Variants in MRPS9 observed in about 807,000 individuals in gnomAD.
MRPS9 encodes the protein small ribosomal subunit protein uS9m.
Under a neutral mutation model 59.9 loss-of-function variants are expected in MRPS9, and 45 were observed. That is an observed-to-expected ratio of 0.75 (90% CI 0.59 to 0.96). MRPS9 has a LOEUF of 0.96. Among genes scored for constraint, MRPS9 ranks in the 40% least tolerant of loss-of-function variants. The pLI is 0.00. For synonymous variants in MRPS9, 171 were observed against 166.8 expected, an observed-to-expected ratio of 1.03 and a Z score of -0.19; for missense variants, 473 against 481.1, an observed-to-expected ratio of 0.98 and a Z score of 0.16.
At chr2:105,060,218 C>G (rs1250716187) in intron 2 of MRPS9, among the ~76,000 whole-genome samples, 1 of 152,100 alleles carries the variant, frequency 6.6e-6, no homozygotes, top group Non-Finnish European at 1.5e-5. Flanking sequence ...AAATACCCTC[C>G]TTAGTGTTAA....
chr2:105,092,340 A>T, intron 7 of MRPS9, 61 bp from the exon 8 acceptor site: 1 of 1,457,054 alleles, frequency 6.9e-7, no homozygotes, highest in Non-Finnish European at 9.1e-7. Context: ...TGCAAAAAAT[A>T]GAAAAAATTT....
intron 10 of MRPS9, among the ~76,000 whole-genome samples, chr2:105,097,759 G>A (rs1476134392): frequency 6.6e-6 from 1 of 152,170 alleles, no homozygotes; most frequent in East Asian, 1.9e-4. Flanking sequence ...GGAGTGCAGT[G>A]GTATTATCAT....
intron 2 of MRPS9, among the ~76,000 whole-genome samples, chr2:105,050,034 AGTTT>A (rs1393745945): frequency 6.6e-6 from 1 of 152,138 alleles, no homozygotes; most frequent in Admixed American, 6.5e-5. Context: ...TATGCACTTT[AGTTT>A]AATTTCAATC....
rs553604824 is a variant in MRPS9, at chr2:105,043,721, G to A, written c.136-5450G>A. 1.5e-3 allele frequency among the ~76,000 whole-genome samples: 233 copies of A among 151,812 alleles called. 2 individuals carry two copies. The highest frequency in any genetic ancestry group is 5.2e-3 in the African/African-American group (217 of 41,390). ...GCAATCTCGGCTCACTGCAACCTCC[G>A]CCTCCTGGGTTCAAGCAGTTCTCCT... On this transcript the variant is annotated intron_variant, in intron 1 of 10. Coordinates refer to ENST00000258455, the MANE Select transcript of MRPS9 (RefSeq NM_182640.3).
intron 4 of MRPS9, among the ~76,000 whole-genome samples, chr2:105,074,214 A>T (rs140220219): frequency 6.6e-6 from 1 of 152,184 alleles, no homozygotes; most frequent in Admixed American, 6.5e-5. Flanking sequence ...CTGAATATAA[A>T]TGAACTAAAT....
chr2:105,084,333 TGTAAC>T (rs1217645370), intron 5 of MRPS9, among the ~76,000 whole-genome samples: 1 of 151,494 alleles, frequency 6.6e-6, no homozygotes, highest in Non-Finnish European at 1.5e-5. Context: ...TTCTAATCCT[TGTAAC>T]GTATGTGTAC....
At chr2:105,066,104 T>G (rs1204185293) in intron 2 of MRPS9, among the ~76,000 whole-genome samples, 4 of 152,224 alleles carry the variant, frequency 2.6e-5, no homozygotes, top group Non-Finnish European at 5.9e-5. Flanking sequence ...TATGTTTTGT[T>G]ATTTGGTTTT....
At chr2:105,075,432 C>T (rs1007178385) in intron 4 of MRPS9, among the ~76,000 whole-genome samples, 4 of 152,132 alleles carry the variant, frequency 2.6e-5, no homozygotes, top group Admixed American at 6.5e-5. Flanking sequence ...TATAAAGGAG[C>T]GCCAAAGGTC....
At chr2:105,056,737 T>A (rs1164419755) in intron 2 of MRPS9, among the ~76,000 whole-genome samples, 1 of 152,238 alleles carries the variant, frequency 6.6e-6, no homozygotes, top group African/African-American at 2.4e-5. Flanking sequence ...ATACAGCATA[T>A]ATAATTTATG....
At chr2:105,066,141 A>G (rs1023134334) in intron 2 of MRPS9, among the ~76,000 whole-genome samples, 6 of 152,066 alleles carry the variant, frequency 3.9e-5, no homozygotes, top group East Asian at 1.9e-4. Context: ...TTTATTTCCT[A>G]TTCCCTCTTT....
chr2:105,080,779 T>G (rs1367735269), intron 5 of MRPS9, among the ~76,000 whole-genome samples: 1 of 152,262 alleles, frequency 6.6e-6, no homozygotes, highest in Non-Finnish European at 1.5e-5. Context: ...TTCCCCCATC[T>G]ACAGTCAGAT....
intron 2 of MRPS9, among the ~76,000 whole-genome samples, chr2:105,054,470 T>C (rs1262754138): frequency 6.6e-6 from 1 of 152,182 alleles, no homozygotes; most frequent in Admixed American, 6.6e-5. Context: ...TGGAAGTGAG[T>C]GTTAACCGTT....
chr2:105,050,287 G>A lies in MRPS9; in HGVS notation c.315+937G>A, dbSNP rs1362056904. 3.9e-5 allele frequency among the ~76,000 whole-genome samples: 6 copies of A among 152,052 alleles called. No individual in the cohort carries two copies. In the East Asian group the frequency reaches 5.8e-4, roughly 15 times the overall value. ...CCTGAGTAGCTGGGCTTACAGGCAC[G>A]CACCACCATACCCAGATAATTTTTG... On this transcript the variant is annotated intron_variant, in intron 2 of 10. Transcript: ENST00000258455.
At chr2:105,040,883 A>G (rs11900525) in intron 1 of MRPS9, among the ~76,000 whole-genome samples, 1,874 of 152,322 alleles carry the variant, frequency 0.012, 39 homozygotes, top group African/African-American at 0.043. Flanking sequence ...GAGGCAAAGG[A>G]AAATAGCGTC....
rs765341948 is a variant in MRPS9, at chr2:105,097,196, G to A, written c.971G>A (p.Gly324Glu). The change falls in exon 10 of 11, where the codon GGA becomes GAA. Residue 324 changes from glycine to glutamate, a missense_variant. Physicochemically the swap from Gly to Glu is moderately conservative, Grantham distance 98. Coordinates refer to ENST00000258455, the MANE Select transcript of MRPS9 (RefSeq NM_182640.3). ...CCTTTCCACTTTGTTGACCGGCTGG[G>A]AAAGCACGACGTGACCTGCACAGTC... ...MFPFHFVDRL[G>E]KHDVTCTVSG... The A allele has an allele frequency of 1.2e-6, 2 of 1,601,840 alleles. No individual in the cohort carries two copies. The highest frequency in any genetic ancestry group is 3.5e-5 in the Admixed American group (2 of 57,768).
intron 5 of MRPS9, among the ~76,000 whole-genome samples, chr2:105,084,319 G>A (rs889698703): frequency 5.3e-5 from 8 of 150,464 alleles, no homozygotes; most frequent in African/African-American, 2.0e-4. Context: ...AGAAAACCAG[G>A]TAATTCTAAT....
chr2:105,076,084 C>G (rs1680205786), intron 4 of MRPS9, among the ~76,000 whole-genome samples: 1 of 152,176 alleles, frequency 6.6e-6, no homozygotes, highest in South Asian at 2.1e-4. Context: ...GATGTTATGA[C>G]TGCCTACTTA....
intron 1 of MRPS9, among the ~76,000 whole-genome samples, chr2:105,040,085 A>G (rs915613778): frequency 6.6e-6 from 1 of 152,208 alleles, no homozygotes; most frequent in Admixed American, 6.5e-5. Context: ...TACAGCTCAG[A>G]TATAACTGAA....
At chr2:105,072,713 T>C (rs566198469) in intron 4 of MRPS9, among the ~76,000 whole-genome samples, 10 of 152,328 alleles carry the variant, frequency 6.6e-5, no homozygotes, top group Non-Finnish European at 1.2e-4. Flanking sequence ...AGATAGCAGA[T>C]ATTTCTATAG....
Sources: allele counts gnomAD v4.1 joint callset (sites outside exome capture counted in the v4.1 genomes callset), GRCh38; gene constraint gnomAD v4.1.1; transcripts MANE v1.5; gene names NCBI Gene and HGNC (gene_info 2026-07-23, HGNC 2026-07-21).